MDFIC: variants seen among roughly 807,000 people sequenced by gnomAD.
MDFIC encodes the protein myoD family inhibitor domain-containing protein.
In MDFIC, 17 loss-of-function variants were observed where a neutral mutation model predicts 23.2. That is an observed-to-expected ratio of 0.73 (90% confidence interval 0.50 to 1.10). The LOEUF (loss-of-function observed/expected upper bound fraction) is 1.10. MDFIC is among the 50% of genes least tolerant of loss of function. The pLI is 0.00. For missense variants in MDFIC, 356 were observed against 316.6 expected (o/e 1.12, Z -0.95); for synonymous variants, 120 against 115.2 (o/e 1.04, Z -0.27).
chr7:115,016,091 C>G lies in MDFIC; in HGVS notation c.*156C>G, dbSNP rs538486704. 2 of 705,614 alleles carry G rather than the reference C, an allele frequency of 2.8e-6. No individual in the cohort carries two copies. The highest frequency in any genetic ancestry group is 3.9e-5 in the South Asian group (2 of 51,012). 43.7% of individuals were successfully genotyped at this position (705,614 alleles called of 1,614,324 possible). On this transcript the variant is annotated 3_prime_UTR_variant, in exon 5 of 5. Coordinates refer to ENST00000393486, the MANE Select transcript of MDFIC (RefSeq NM_001166345.3). ...TCTCTGAAAGCCTTTTTACTTTAAC[C>G]AAATCTACATGGTTTAATATGTGAA...
chr7:114,970,121 T>C (rs1017439487), intron 3 of MDFIC, among the ~76,000 whole-genome samples: 11 of 152,208 alleles, frequency 7.2e-5, no homozygotes, highest in Admixed American at 1.3e-4. Flanking sequence ...GTTTCTTCCC[T>C]GACCTTGGTC....
At chr7:114,947,967 C>G (rs10239060) in intron 3 of MDFIC, among the ~76,000 whole-genome samples, 42 of 152,278 alleles carry the variant, frequency 2.8e-4, no homozygotes, top group African/African-American at 9.4e-4. Flanking sequence ...TTAAGTTCAT[C>G]ATGGCTGCAT....
At chr7:115,003,396 C>G (rs1041643647) in intron 4 of MDFIC, among the ~76,000 whole-genome samples, 1 of 152,210 alleles carries the variant, frequency 6.6e-6, no homozygotes, top group Non-Finnish European at 1.5e-5. Flanking sequence ...AAGGCTCACA[C>G]TCAACATATT....
chr7:114,951,531 AT>A (rs896974162), intron 3 of MDFIC, among the ~76,000 whole-genome samples: 7 of 152,216 alleles, frequency 4.6e-5, no homozygotes, highest in African/African-American at 1.4e-4. Flanking sequence ...ATGTGTGTTT[AT>A]TTTTTTCTTA....
intron 2 of MDFIC, 21 bp downstream of exon 2, chr7:114,923,148 G>A: frequency 6.5e-7 from 1 of 1,528,004 alleles, no homozygotes; most frequent in Non-Finnish European, 8.7e-7. Context: ...GCTTGCAAGT[G>A]GCAAGCTTCT....
At chr7:114,977,437 G>C (rs918938504) in intron 3 of MDFIC, among the ~76,000 whole-genome samples, 10 of 152,010 alleles carry the variant, frequency 6.6e-5, no homozygotes, top group African/African-American at 2.4e-4. Context: ...ACCATAAGTT[G>C]TCCCTCACTG....
At chr7:114,925,071 A>G (rs1043325390) in intron 2 of MDFIC, among the ~76,000 whole-genome samples, 6 of 152,180 alleles carry the variant, frequency 3.9e-5, no homozygotes, top group African/African-American at 1.4e-4. Flanking sequence ...ACAGAAACCT[A>G]ATTTTTAAAT....
At chr7:114,934,693 G>A (rs910613126) in intron 2 of MDFIC, among the ~76,000 whole-genome samples, 21 of 152,198 alleles carry the variant, frequency 1.4e-4, no homozygotes, top group Non-Finnish European at 2.2e-4. Context: ...ATTAAATTAC[G>A]TTGATTTTAG....
At position 115,017,165 on chromosome 7, in the gene MDFIC, A is replaced by G. The variant is rs540274504; in HGVS notation, c.*1230A>G. The G allele has an allele frequency of 6.6e-6, 1 of 152,298 alleles. No homozygotes were observed. The highest frequency in any genetic ancestry group is 6.5e-5 in the Admixed American group (1 of 15,300). 9.4% of individuals were successfully genotyped at this position (152,298 alleles called of 1,614,324 possible). On this transcript the variant is annotated 3_prime_UTR_variant, in exon 5 of 5. Coordinates refer to ENST00000393486, the MANE Select transcript of MDFIC (RefSeq NM_001166345.3). ...AACAGTGCCTTCAGCATACTTTTTTATTAGTTGTAGGAATACAGCTTTTTG... is the reference window on the plus strand; with the variant it reads ...AACAGTGCCTTCAGCATACTTTTTTGTTAGTTGTAGGAATACAGCTTTTTG...
At chr7:114,942,756 T>C (rs1249209544) in intron 3 of MDFIC, among the ~76,000 whole-genome samples, 1 of 152,216 alleles carries the variant, frequency 6.6e-6, no homozygotes, top group African/African-American at 2.4e-5. Flanking sequence ...AATGCTACTA[T>C]GGTCTCTGTT....
chr7:114,922,969 C>T lies in MDFIC; in HGVS notation c.-65C>T, dbSNP rs777528979. ...CACCCAGCACCTCACAGCCCTTCCTCCGTGCGCCCTGCCGGGCGGCGAGCT... is the reference window on the plus strand; with the variant it reads ...CACCCAGCACCTCACAGCCCTTCCTTCGTGCGCCCTGCCGGGCGGCGAGCT... On this transcript the variant is annotated 5_prime_UTR_variant, in exon 2 of 5. Transcript: ENST00000393486. 1.9e-5 allele frequency: 29 copies of T among 1,555,428 alleles called. No homozygotes were observed. The Admixed American group carries it at 3.9e-4, about 21-fold the overall frequency.
At chr7:114,990,772 A>G (rs1791137692) in intron 4 of MDFIC, among the ~76,000 whole-genome samples, 1 of 152,146 alleles carries the variant, frequency 6.6e-6, no homozygotes, top group African/African-American at 2.4e-5. Context: ...GGTTGGTTCC[A>G]AGTCTTTGCT....
intron 3 of MDFIC, among the ~76,000 whole-genome samples, chr7:114,969,986 G>A (rs1027902691): frequency 6.6e-6 from 1 of 152,190 alleles, no homozygotes; most frequent in Non-Finnish European, 1.5e-5. Context: ...TAGGCAGAAC[G>A]TAGGATAGCC....
intron 4 of MDFIC, among the ~76,000 whole-genome samples, chr7:115,003,802 C>A (rs1480343094): frequency 6.6e-6 from 1 of 152,146 alleles, no homozygotes; most frequent in Admixed American, 6.6e-5. Flanking sequence ...TCAGGAATCA[C>A]CCTTACTTTC....
chr7:115,008,671 T>C (rs1324952971), intron 4 of MDFIC, among the ~76,000 whole-genome samples: 1 of 152,106 alleles, frequency 6.6e-6, no homozygotes, highest in South Asian at 2.1e-4. Context: ...TTAGTAAACA[T>C]TTCCCGCCCC....
chr7:114,994,230 A>G (rs1216919441), intron 4 of MDFIC, among the ~76,000 whole-genome samples: 1 of 151,592 alleles, frequency 6.6e-6, no homozygotes, highest in Non-Finnish European at 1.5e-5. Context: ...CTTTATTTTG[A>G]GCCTATGTGT....
chr7:114,924,732 A>T (rs1792157447), intron 2 of MDFIC, among the ~76,000 whole-genome samples: 1 of 152,204 alleles, frequency 6.6e-6, no homozygotes, highest in South Asian at 2.1e-4. Flanking sequence ...TTAAATAGGG[A>T]TCAGTTTAAT....
At chr7:114,923,387 G>C in intron 2 of MDFIC, 1 of 1,427,302 alleles carries the variant, frequency 7.0e-7, no homozygotes, top group Admixed American at 2.0e-5. Context: ...TGACAGGATT[G>C]CTTCTTTCTT....
At chr7:114,962,191 C>G (rs914791081) in intron 3 of MDFIC, among the ~76,000 whole-genome samples, 2 of 152,100 alleles carry the variant, frequency 1.3e-5, no homozygotes, top group African/African-American at 2.4e-5. Flanking sequence ...GATCAGAGAT[C>G]AGTGTGTTCA....
Sources: allele counts gnomAD v4.1 joint callset (sites outside exome capture counted in the v4.1 genomes callset), GRCh38; gene constraint gnomAD v4.1.1; transcripts MANE v1.5; gene names NCBI Gene and HGNC (gene_info 2026-07-23, HGNC 2026-07-21).